The following VANGL2 variants were observed in gnomAD, a reference collection of about 807,000 sequenced individuals.
VANGL2 encodes the protein vang-like protein 2.
In VANGL2, 14 loss-of-function variants were observed where a neutral mutation model predicts 50.2. The ratio of observed to expected loss-of-function variants is 0.28; its 90% CI spans 0.18 to 0.44. VANGL2 has a LOEUF of 0.44. VANGL2 is among the 20% of genes least tolerant of loss of function. The probability of loss-of-function intolerance (pLI) is 1.00; values close to 1 mark genes in which losing one functional copy is unlikely to be tolerated. For missense variants in VANGL2, 533 were observed against 701.5 expected (o/e 0.76, Z 2.71); for synonymous variants, 295 against 297.2 (o/e 0.99, Z 0.08).
rs146767141 is a variant in VANGL2, at chr1:160,425,141, G to A, written c.1329G>A (p.Ala443=). 5.6e-5 allele frequency: 91 copies of A among 1,614,066 alleles called. No homozygotes were observed. The Middle Eastern group carries it at 8.3e-4, about 15-fold the overall frequency. Residue 443 remains alanine (A), a synonymous_variant, in exon 8 of 8, where the codon GCG becomes GCA. Transcript: ENST00000368061. ...TPKAFLERYL[A]AGPTIQYHKE... ...AGGCCTTCTTGGAGCGATACTTGGC[G>A]GCTGGACCTACCATCCAGTACCACA...
chr1:160,423,341 C>G (rs1350728638), intron 6 of VANGL2, among the ~76,000 whole-genome samples: 8 of 152,136 alleles, frequency 5.3e-5, no homozygotes, highest in African/African-American at 1.7e-4. Flanking sequence ...TGGAATACTC[C>G]CAACATCCTA....
intron 1 of VANGL2, among the ~76,000 whole-genome samples, chr1:160,414,154 T>C (rs562910982): frequency 1.3e-5 from 2 of 152,220 alleles, no homozygotes; most frequent in Non-Finnish European, 2.9e-5. Flanking sequence ...GATCTCCCTG[T>C]TTCTATTTTT....
At chr1:160,404,177 A>G (rs1393102755) in intron 1 of VANGL2, among the ~76,000 whole-genome samples, 1 of 151,936 alleles carries the variant, frequency 6.6e-6, no homozygotes, top group African/African-American at 2.4e-5. Context: ...CACATTAGGC[A>G]CTCTCTCCTA....
chr1:160,419,739 G>A lies in VANGL2; in HGVS notation c.800+130G>A. The stretch of plus-strand genomic sequence containing the variant: ...TTGGAGGGTTGTGTGGGAGGGAGTT[G>A]AGTACTTTGCACCAAGTAGGTTTTC... On this transcript the variant is annotated intron_variant, in intron 4 of 7. Transcript: ENST00000368061. This position sits in a 1 kb window ranked among gnomAD's most constrained non-coding sequence, Gnocchi z 5.8. 1 of 1,377,416 alleles carries A rather than the reference G, an allele frequency of 7.3e-7. No individual in the cohort carries two copies. Among genetic ancestry groups the A allele is most frequent in the Non-Finnish European group, 9.6e-7 (1 of 1,037,542 alleles). 85.3% of individuals were successfully genotyped at this position (1,377,416 alleles called of 1,614,324 possible).
In VANGL2 at chr1:160,425,494, T is replaced by A. The variant is rs1265709003; in HGVS notation, c.*116T>A. The A allele has an allele frequency of 9.5e-7, 1 of 1,053,962 alleles. No homozygotes were observed. The highest frequency in any genetic ancestry group is 1.6e-5 in the African/African-American group (1 of 62,312). The allele number at this position is 1,053,962 out of a possible 1,614,324, so 65.3% of individuals were successfully genotyped here. A position where few individuals can be genotyped will look rare whatever the true frequency, so the allele number is the denominator to read the frequency against. Reference sequence around the variant, plus strand: ...CCCTTCTTCTTCTTGCTCTTTTTTTTTTACTTGAATTAACGCACCCCCACC... The same window carrying A: ...CCCTTCTTCTTCTTGCTCTTTTTTTATTACTTGAATTAACGCACCCCCACC... On this transcript the variant is annotated 3_prime_UTR_variant, in exon 8 of 8. Coordinates refer to ENST00000368061, the MANE Select transcript of VANGL2 (RefSeq NM_020335.3).
chr1:160,408,189 C>G (rs368064195), intron 1 of VANGL2, among the ~76,000 whole-genome samples: 2 of 151,134 alleles, frequency 1.3e-5, no homozygotes, highest in Admixed American at 6.6e-5. Flanking sequence ...AGAGAGACAG[C>G]GGAGCAGGTC....
Position 160,425,210 on chromosome 1 carries a change from G to A in VANGL2, c.1398G>A (p.Glu466=), listed in dbSNP as rs1226056219. 6.2e-7 allele frequency: 1 copy of A among 1,614,052 alleles called. No homozygotes were observed. The highest frequency in any genetic ancestry group is 8.5e-7 in the Non-Finnish European group (1 of 1,180,040). The part of the protein sequence containing the change: ...LAKQWTLVSE[E]PVTNGLKDGI... ...AACAGTGGACATTGGTGAGCGAGGA[G>A]CCGGTGACCAACGGCCTCAAGGATG... is the stretch of plus-strand genomic sequence containing the variant. The change falls in exon 8 of 8, where the codon GAG becomes GAA. Residue 466 remains glutamate (E), a synonymous_variant. Coordinates refer to ENST00000368061, the MANE Select transcript of VANGL2 (RefSeq NM_020335.3).
rs766519016 is a variant in VANGL2, at chr1:160,419,417, G to A, written c.608G>A (p.Arg203His). ...VVSYWLFYGV[R>H]ILDARERSYQ... ...TCCTACTGGCTCTTCTATGGTGTGCGCATCCTGGATGCTCGGGAGCGCAGC... is the reference window on the plus strand; with the variant it reads ...TCCTACTGGCTCTTCTATGGTGTGCACATCCTGGATGCTCGGGAGCGCAGC... The change falls in exon 4 of 8, where the codon CGC becomes CAC. Residue 203 changes from arginine (R) to histidine (H), a missense_variant. Transcript: ENST00000368061. The surrounding 1 kb of genome is among the most constrained non-coding windows in gnomAD (Gnocchi z 5.8). 3 of 1,611,982 alleles carry A rather than the reference G, an allele frequency of 1.9e-6. No individual in the cohort carries two copies. Among genetic ancestry groups the A allele is most frequent in the Non-Finnish European group, 2.5e-6 (3 of 1,180,018 alleles).
chr1:160,423,916 C>A, intron 6 of VANGL2, 136 bp from the exon 7 acceptor site: 1 of 957,646 alleles, frequency 1.0e-6, no homozygotes, highest in Non-Finnish European at 1.6e-6. Flanking sequence ...GCACTATTGC[C>A]TCTGGCTTTG....
At chr1:160,422,533 C>G (rs527769280) in intron 6 of VANGL2, among the ~76,000 whole-genome samples, 256 of 149,694 alleles carry the variant, frequency 1.7e-3, no homozygotes, top group African/African-American at 5.8e-3. Context: ...ACCTATATAC[C>G]CAGAGTCCCA....
intron 6 of VANGL2, 145 bp from the exon 7 acceptor site, chr1:160,423,907 C>T: frequency 1.2e-6 from 1 of 869,224 alleles, no homozygotes; most frequent in Non-Finnish European, 1.9e-6. Flanking sequence ...GGCAGAAAGG[C>T]ACTATTGCCT....
chr1:160,401,165 CG>C (rs1239473795), intron 1 of VANGL2, among the ~76,000 whole-genome samples: 4 of 151,834 alleles, frequency 2.6e-5, no homozygotes, highest in Non-Finnish European at 5.9e-5. Flanking sequence ...TGGGCCCGGG[CG>C]GGGGCCTTAA....
intron 1 of VANGL2, among the ~76,000 whole-genome samples, chr1:160,413,215 T>A (rs1650941659): frequency 6.6e-6 from 1 of 152,208 alleles, no homozygotes; most frequent in Non-Finnish European, 1.5e-5. Flanking sequence ...TCATATTGCT[T>A]ATTCTCAAAT....
At chr1:160,409,272 A>C (rs1427496908) in intron 1 of VANGL2, among the ~76,000 whole-genome samples, 1 of 152,214 alleles carries the variant, frequency 6.6e-6, no homozygotes, top group African/African-American at 2.4e-5. Context: ...CAATTAGAGG[A>C]GGCCAGAAAT....
chr1:160,420,311 G>A, intron 4 of VANGL2, 100 bp from the exon 5 acceptor site: 3 of 1,492,614 alleles, frequency 2.0e-6, no homozygotes, highest in South Asian at 2.3e-5. Context: ...TCCCTGTCCT[G>A]TGTCCTCTCC....
In VANGL2 at chr1:160,419,429, C is replaced by G. The variant is rs745829493; in HGVS notation, c.620C>G (p.Ala207Gly). 9 of 1,611,660 alleles carry G rather than the reference C, an allele frequency of 5.6e-6. No homozygotes were observed. In the Admixed American group the frequency reaches 1.5e-4, roughly 27 times the overall value. ...TTCTATGGTGTGCGCATCCTGGATG[C>G]TCGGGAGCGCAGCTACCAGGGCGTG... The part of the protein sequence containing the change: ...WLFYGVRILD[A>G]RERSYQGVVQ... The change falls in exon 4 of 8, where the codon GCT (alanine) becomes GGT (glycine). Residue 207 changes from alanine to glycine, a missense_variant. Coordinates refer to ENST00000368061, the MANE Select transcript of VANGL2 (RefSeq NM_020335.3). The surrounding 1 kb of genome is among the most constrained non-coding windows in gnomAD (Gnocchi z 5.8).
chr1:160,425,238 A>C lies in VANGL2; in HGVS notation c.1426A>C (p.Ile476Leu), dbSNP rs375485448. 5.0e-6 allele frequency: 8 copies of C among 1,614,042 alleles called. No homozygotes were observed. The East Asian group carries it at 1.6e-4, about 31-fold the overall frequency. Reference protein sequence around the residue: ...EPVTNGLKDGIVFLLKRQDFS... With the variant: ...EPVTNGLKDGLVFLLKRQDFS... ...GGTGACCAACGGCCTCAAGGATGGC[A>C]TCGTTTTCCTCTTAAAACGCCAGGA... The change falls in exon 8 of 8, where the codon ATC becomes CTC. Residue 476 changes from isoleucine to leucine, a missense_variant. Transcript: ENST00000368061.
intron 1 of VANGL2, among the ~76,000 whole-genome samples, chr1:160,414,618 G>A (rs1372435483): frequency 6.6e-6 from 1 of 152,146 alleles, no homozygotes; most frequent in African/African-American, 2.4e-5. Flanking sequence ...CTGCTAGACT[G>A]TAAACTCAGG....
chr1:160,403,467 G>A (rs570041784), intron 1 of VANGL2, among the ~76,000 whole-genome samples: 5 of 152,260 alleles, frequency 3.3e-5, no homozygotes, highest in African/African-American at 1.2e-4. Flanking sequence ...TCCGGGGCAG[G>A]CCTCTCTGGT....
Sources: allele counts gnomAD v4.1 joint callset (sites outside exome capture counted in the v4.1 genomes callset), GRCh38; gene constraint gnomAD v4.1.1; non-coding constraint Gnocchi (gnomAD v3.1); transcripts MANE v1.5; gene names NCBI Gene and HGNC (gene_info 2026-07-23, HGNC 2026-07-21).